GTF2IRD1: variants seen among roughly 807,000 people sequenced by gnomAD.
The protein encoded by GTF2IRD1 is GTF2I repeat domain containing 1, also known as general transcription factor II-I repeat domain-containing protein 1.
In GTF2IRD1, 26 loss-of-function variants were observed where a neutral mutation model predicts 113.2. The observed-to-expected ratio is 0.23, with a 90% confidence interval of 0.17 to 0.32. The LOEUF is 0.32. GTF2IRD1 is among the 10% of genes least tolerant of loss of function. The pLI, the probability that GTF2IRD1 is intolerant of heterozygous loss-of-function variation, is 1.00. For synonymous variants in GTF2IRD1, 484 were observed against 529.1 expected (o/e 0.91, Z 1.17); for missense variants, 864 against 1,280.8 (o/e 0.67, Z 4.97).
chr7:74,486,008 T>A (rs1291120914), intron 1 of GTF2IRD1, among the ~76,000 whole-genome samples: 4 of 151,804 alleles, frequency 2.6e-5, no homozygotes, highest in African/African-American at 9.7e-5. Context: ...TCTTGCCCTG[T>A]CACCCAGGCT....
At position 74,601,567 on chromosome 7, in the gene GTF2IRD1, G is replaced by C. The variant is rs1802772834; in HGVS notation, c.2766+387G>C. ...TCGGGTGGATCACCTGAGGTCAGGAGTTTGAGACCAGGCTGACCAACACGG... is the reference window on the plus strand; with the variant it reads ...TCGGGTGGATCACCTGAGGTCAGGACTTTGAGACCAGGCTGACCAACACGG... On this transcript the variant is annotated intron_variant, in intron 26 of 26. Coordinates refer to ENST00000424337, the MANE Select transcript of GTF2IRD1 (RefSeq NM_005685.4). 3 of 1,033,954 alleles carry C rather than the reference G, an allele frequency of 2.9e-6. No homozygotes were observed. The South Asian group carries it at 5.6e-5, about 19-fold the overall frequency. 64.0% of individuals were successfully genotyped at this position (1,033,954 alleles called of 1,614,324 possible).
chr7:74,529,439 A>C (rs970435241), intron 8 of GTF2IRD1, among the ~76,000 whole-genome samples: 7 of 151,924 alleles, frequency 4.6e-5, no homozygotes, highest in Non-Finnish European at 1.0e-4. Flanking sequence ...TACTTTCTGC[A>C]GAGATGGGGT....
chr7:74,561,544 C>T (rs1583891512), intron 22 of GTF2IRD1, among the ~76,000 whole-genome samples: 1 of 146,302 alleles, frequency 6.8e-6, no homozygotes, highest in African/African-American at 2.5e-5. Context: ...GCGGGGTGAA[C>T]GGCAGGGGTT....
intron 22 of GTF2IRD1, among the ~76,000 whole-genome samples, chr7:74,578,097 G>A (rs1274007694): frequency 1.3e-5 from 2 of 152,128 alleles, no homozygotes; most frequent in Non-Finnish European, 2.9e-5. Flanking sequence ...GAGCCACCAC[G>A]CCAGGCTCAC....
chr7:74,552,054 A>G (rs1799339100), intron 17 of GTF2IRD1, among the ~76,000 whole-genome samples: 1 of 152,188 alleles, frequency 6.6e-6, no homozygotes, highest in Admixed American at 6.5e-5. Context: ...CAGCTGGTAC[A>G]GGGTGAGTGA....
At position 74,559,001 on chromosome 7, in the gene GTF2IRD1, A is replaced by G; in HGVS notation, c.2248A>G (p.Arg750Gly). ...PCTFGSQNLE[R>G]ILAVADKIKF... ...TACCTTCGGCTCCCAGAACCTGGAG[A>G]GGATTCTTGCTGTGGCTGACAAGAT... The change falls in exon 21 of 27, where the codon AGG (arginine) becomes GGG (glycine). Residue 750 changes from arginine (R) to glycine (G), a missense_variant. Coordinates refer to ENST00000424337, the MANE Select transcript of GTF2IRD1 (RefSeq NM_005685.4). 1.9e-6 allele frequency: 3 copies of G among 1,614,040 alleles called. No homozygotes were observed. Among genetic ancestry groups the G allele is most frequent in the Non-Finnish European group, 2.5e-6 (3 of 1,179,992 alleles).
At chr7:74,455,696 C>T (rs1357816560) in intron 1 of GTF2IRD1, among the ~76,000 whole-genome samples, 1 of 152,198 alleles carries the variant, frequency 6.6e-6, no homozygotes, top group Non-Finnish European at 1.5e-5. Context: ...GACCAAGGGA[C>T]AGGCTTGGCC....
intron 8 of GTF2IRD1, among the ~76,000 whole-genome samples, chr7:74,526,153 G>C (rs1053098614): frequency 8.5e-5 from 13 of 152,242 alleles, no homozygotes; most frequent in Non-Finnish European, 1.3e-4. Flanking sequence ...TGCCTGCCTT[G>C]GGAGGGTTCT....
chr7:74,476,132 C>T (rs1451090619), intron 1 of GTF2IRD1, among the ~76,000 whole-genome samples: 1 of 152,140 alleles, frequency 6.6e-6, no homozygotes, highest in Non-Finnish European at 1.5e-5. Flanking sequence ...ATGGTGTGGA[C>T]ACTTACAAGT....
At chr7:74,536,100 C>A in intron 10 of GTF2IRD1, 67 bp from the exon 11 acceptor site, 1 of 1,006,994 alleles carries the variant, frequency 9.9e-7, no homozygotes, top group South Asian at 1.3e-5. Context: ...CAGACCTTTA[C>A]CCAGGGGCTC....
chr7:74,540,571 G>A (rs1365872523), intron 14 of GTF2IRD1, among the ~76,000 whole-genome samples: 4 of 151,950 alleles, frequency 2.6e-5, no homozygotes, highest in Admixed American at 6.6e-5. Context: ...GTAAGGGGCT[G>A]GAGACAAAGC....
At chr7:74,468,261 G>C (rs1793846381) in intron 1 of GTF2IRD1, among the ~76,000 whole-genome samples, 1 of 152,026 alleles carries the variant, frequency 6.6e-6, no homozygotes, top group Non-Finnish European at 1.5e-5. Flanking sequence ...TAGCACTTCG[G>C]AAGGCCGAGA....
Position 74,481,043 on chromosome 7 carries a change from TACTTCCTGG to T in GTF2IRD1, c.-7+26871_-7+26879del, listed in dbSNP as rs1794714309. Among the ~76,000 whole-genome samples, 12 of 152,334 alleles carry T rather than the reference TACTTCCTGG, an allele frequency of 7.9e-5. No homozygotes were observed. In the South Asian group the frequency reaches 2.5e-3, roughly 32 times the overall value. On this transcript the variant is annotated intron_variant, in intron 1 of 26. Transcript: ENST00000424337. ...CCTTGGAAGGCAGCATGAATCCCTG[TACTTCCTGG>T]ACTGCCCCTTTGCCCCCGCCTGGGG...
chr7:74,454,746 C>A (rs530243097), intron 1 of GTF2IRD1, among the ~76,000 whole-genome samples: 2 of 152,042 alleles, frequency 1.3e-5, no homozygotes. Flanking sequence ...TGGTGGTGGC[C>A]GCTGAATCCC....
At chr7:74,567,028 T>C (rs1800360989) in intron 22 of GTF2IRD1, among the ~76,000 whole-genome samples, 2 of 152,124 alleles carry the variant, frequency 1.3e-5, no homozygotes, top group African/African-American at 4.8e-5. Flanking sequence ...CATTTATTTG[T>C]ACAACAAAAA....
chr7:74,493,234 C>T (rs1180162598), intron 1 of GTF2IRD1, among the ~76,000 whole-genome samples: 3 of 151,684 alleles, frequency 2.0e-5, no homozygotes, highest in South Asian at 2.1e-4. Flanking sequence ...CTCAGCCTCC[C>T]GAGTAACTGG....
intron 10 of GTF2IRD1, among the ~76,000 whole-genome samples, chr7:74,535,761 G>T (rs1798256137): frequency 6.6e-6 from 1 of 152,222 alleles, no homozygotes; most frequent in African/African-American, 2.4e-5. Context: ...GTGAGATGAG[G>T]ATAAGGGCGC....
chr7:74,500,909 A>G (rs1795995384), intron 1 of GTF2IRD1, among the ~76,000 whole-genome samples: 1 of 151,878 alleles, frequency 6.6e-6, no homozygotes, highest in Non-Finnish European at 1.5e-5. Flanking sequence ...ATTTTTGTAG[A>G]GGTGGGGTCT....
chr7:74,523,614 G>T (rs1554346491), intron 7 of GTF2IRD1, among the ~76,000 whole-genome samples: 1 of 152,012 alleles, frequency 6.6e-6, no homozygotes, highest in African/African-American at 2.4e-5. Flanking sequence ...CCAGCTACTT[G>T]GGAGGCTGAG....
Sources: gnomAD v4.1 joint callset for allele counts (sites outside exome capture counted in the v4.1 genomes callset) on GRCh38, gnomAD v4.1.1 for gene constraint, MANE v1.5 for transcripts, NCBI Gene and HGNC (gene_info 2026-07-23, HGNC 2026-07-21) for gene names.